Variants in CCBE1 observed in about 807,000 individuals in gnomAD.
The protein encoded by CCBE1 is collagen and calcium-binding EGF domain-containing protein 1.
A neutral mutation model predicts 50.0 loss-of-function variants in CCBE1; 37 were observed. The ratio of observed to expected loss-of-function variants is 0.74; its 90% CI spans 0.57 to 0.97. CCBE1 has a LOEUF of 0.97. Ranked by LOEUF, CCBE1 falls within the 50% of genes least tolerant of loss-of-function variation. The pLI is 0.00. For synonymous variants in CCBE1, 234 were observed against 203.7 expected, an observed-to-expected ratio of 1.15 and a Z score of -1.27; for missense variants, 538 against 523.8, an observed-to-expected ratio of 1.03 and a Z score of -0.26.
intron 2 of CCBE1, chr18:59,688,288 AAAATT>A (rs1475808784): frequency 1.3e-5 from 2 of 152,288 alleles, no homozygotes; most frequent in South Asian, 4.1e-4. Flanking sequence ...ATCTCTACAA[AAAATT>A]AAATTAGTCA....
At chr18:59,646,042 AG>A (rs1331813401) in intron 2 of CCBE1, among the ~76,000 whole-genome samples, 1 of 151,958 alleles carries the variant, frequency 6.6e-6, no homozygotes, top group East Asian at 1.9e-4. Context: ...TCAAAAAAAA[AG>A]AAAAAAAAAA....
chr18:59,635,148 C>T (rs1166473917), intron 2 of CCBE1, among the ~76,000 whole-genome samples: 5 of 152,282 alleles, frequency 3.3e-5, no homozygotes, highest in Non-Finnish European at 5.9e-5. Context: ...TTCAAAGCAA[C>T]GACGTTTTGA....
At chr18:59,677,810 G>A (rs2054526864) in intron 2 of CCBE1, among the ~76,000 whole-genome samples, 1 of 152,164 alleles carries the variant, frequency 6.6e-6, no homozygotes, top group African/African-American at 2.4e-5. Context: ...AACATCTAAT[G>A]AGTTTGAATA....
chr18:59,464,136 G>A (rs1340832795), intron 5 of CCBE1: 1 of 152,192 alleles, frequency 6.6e-6, no homozygotes. Context: ...ATTTTAATTT[G>A]GAACTTAAAA....
At chr18:59,452,112 C>T (rs573760605) in intron 6 of CCBE1, among the ~76,000 whole-genome samples, 16 of 152,174 alleles carry the variant, frequency 1.1e-4, no homozygotes, top group Non-Finnish European at 1.8e-4. Flanking sequence ...TCGTGTTTCC[C>T]ATGGTTGGAA....
At position 59,556,889 on chromosome 18, in the gene CCBE1, T is replaced by C. The variant is rs998851671; in HGVS notation, c.213-76651A>G. 5.9e-5 allele frequency among the ~76,000 whole-genome samples: 9 copies of C among 152,262 alleles called. No homozygotes were observed. The East Asian group carries it at 1.5e-3, about 26-fold the overall frequency. ...ACATTTTCAAACTCTGCTGCATTTG[T>C]GCTGCATCAGCCCAGCTAAGCTGGA... On this transcript the variant is annotated intron_variant, in intron 2 of 10. Coordinates refer to ENST00000439986, the MANE Select transcript of CCBE1 (RefSeq NM_133459.4).
Position 59,432,872 on chromosome 18 carries a change from G to T in CCBE1, c.*3036C>A, listed in dbSNP as rs75031007. ...TTTCTAAATACAGTTCACTGTCAAA[G>T]AAAAGGTATTAAAATTCTTCTTTTA... On this transcript the variant is annotated 3_prime_UTR_variant, in exon 11 of 11. Coordinates refer to ENST00000439986, the MANE Select transcript of CCBE1 (RefSeq NM_133459.4). The T allele has an allele frequency of 6.6e-6, 1 of 151,830 alleles. No individual in the cohort carries two copies. Among genetic ancestry groups the T allele is most frequent in the Non-Finnish European group, 1.5e-5 (1 of 68,006 alleles). The allele number at this position is 151,830 out of a possible 1,614,324, so 9.4% of individuals were successfully genotyped here.
chr18:59,466,864 C>G lies in CCBE1; in HGVS notation c.428G>C (p.Gly143Ala), dbSNP rs1911776191. 1 of 1,613,388 alleles carries G rather than the reference C, an allele frequency of 6.2e-7. No homozygotes were observed. Among genetic ancestry groups the G allele is most frequent in the Middle Eastern group, 1.7e-4 (1 of 5,800 alleles). ...GATGCAGATGTGGGCACACAGCGTCCCATTGCTGCTGGCACACTCATCAAT... is the reference window on the plus strand; with the variant it reads ...GATGCAGATGTGGGCACACAGCGTCGCATTGCTGCTGGCACACTCATCAAT... ...LDIDECASSN[G>A]TLCAHICINT... Residue 143 changes from glycine (G) to alanine (A), a missense_variant, in exon 5 of 11, where the codon GGG (glycine) becomes GCG (alanine). Transcript: ENST00000439986.
intron 2 of CCBE1, among the ~76,000 whole-genome samples, chr18:59,549,173 C>T (rs1002435888): frequency 2.0e-5 from 3 of 151,546 alleles, no homozygotes; most frequent in South Asian, 2.1e-4. Flanking sequence ...TAGACCACAC[C>T]GTGTTTCACA....
chr18:59,610,658 A>G (rs754360699), intron 2 of CCBE1, among the ~76,000 whole-genome samples: 2 of 152,224 alleles, frequency 1.3e-5, no homozygotes, highest in Non-Finnish European at 2.9e-5. Context: ...CTGTTTTCCA[A>G]CAGGGAAAGG....
At chr18:59,497,451 C>G (rs920619374) in intron 2 of CCBE1, among the ~76,000 whole-genome samples, 3 of 152,160 alleles carry the variant, frequency 2.0e-5, no homozygotes, top group South Asian at 2.1e-4. Flanking sequence ...AAGCACTCAG[C>G]CCATCAAAAA....
intron 2 of CCBE1, among the ~76,000 whole-genome samples, chr18:59,523,175 G>A (rs1176791771): frequency 6.6e-6 from 1 of 151,576 alleles, no homozygotes; most frequent in African/African-American, 2.4e-5. Flanking sequence ...ATCCTCATGA[G>A]CAATGAGTGC....
At chr18:59,496,092 G>A (rs151154127) in intron 2 of CCBE1, among the ~76,000 whole-genome samples, 2 of 151,556 alleles carry the variant, frequency 1.3e-5, no homozygotes, top group African/African-American at 4.8e-5. Context: ...TTTCCTTTTT[G>A]CAAATTTTAA....
intron 2 of CCBE1, among the ~76,000 whole-genome samples, chr18:59,572,679 G>A (rs373531203): frequency 3.3e-5 from 5 of 152,304 alleles, no homozygotes; most frequent in African/African-American, 1.2e-4. Flanking sequence ...ATAGAGATAT[G>A]TTTGCTTAAT....
At chr18:59,590,595 A>C (rs1167690562) in intron 2 of CCBE1, among the ~76,000 whole-genome samples, 1 of 152,228 alleles carries the variant, frequency 6.6e-6, no homozygotes, top group African/African-American at 2.4e-5. Flanking sequence ...CACAGGAGGA[A>C]TATCCCAGAC....
At chr18:59,664,770 G>C (rs2054330581) in intron 2 of CCBE1, among the ~76,000 whole-genome samples, 1 of 152,174 alleles carries the variant, frequency 6.6e-6, no homozygotes, top group South Asian at 2.1e-4. Flanking sequence ...GAGATAAGCT[G>C]AGTGGCAGTA....
Position 59,697,226 on chromosome 18 carries a change from C to T in CCBE1, c.117G>A (p.Pro39=), listed in dbSNP as rs188000150. The T allele has an allele frequency of 6.5e-7, 1 of 1,548,958 alleles. No homozygotes were observed. Among genetic ancestry groups the T allele is most frequent in the Non-Finnish European group, 8.7e-7 (1 of 1,146,720 alleles). The part of the protein sequence containing the change: ...LGHTWTYREE[P]EDGDREICSE... ...GCAGCGCTTACCTGTCGCCGTCCTC[C>T]GGCTCCTCTCTGTAGGTCCACGTGT... Residue 39 remains proline, a synonymous_variant, in exon 1 of 11, where the codon CCG becomes CCA. Transcript: ENST00000439986.
intron 7 of CCBE1, among the ~76,000 whole-genome samples, chr18:59,440,824 C>T (rs1431207677): frequency 6.6e-5 from 10 of 152,082 alleles, no homozygotes; most frequent in South Asian, 2.1e-4. Context: ...GAAAATGTCC[C>T]GTTGCCCCAC....
At chr18:59,671,276 C>CAG (rs1350290304) in intron 2 of CCBE1, among the ~76,000 whole-genome samples, 1 of 151,968 alleles carries the variant, frequency 6.6e-6, no homozygotes, top group Non-Finnish European at 1.5e-5. Flanking sequence ...CCAAGACTGG[C>CAG]AGATCACTTG....
Sources: allele counts gnomAD v4.1 joint callset (sites outside exome capture counted in the v4.1 genomes callset), GRCh38; gene constraint gnomAD v4.1.1; transcripts MANE v1.5; gene names NCBI Gene and HGNC (gene_info 2026-07-23, HGNC 2026-07-21).